CPS1: variants seen among roughly 807,000 people sequenced by gnomAD.
CPS1 encodes the protein carbamoyl-phosphate synthase 1, also known as carbamoyl-phosphate synthase [ammonia], mitochondrial.
In CPS1, 109 loss-of-function variants were observed where a neutral mutation model predicts 174.6. That is an observed-to-expected ratio of 0.62 (90% CI 0.53 to 0.73). The LOEUF is 0.73. Ranked by LOEUF, CPS1 falls within the 30% of genes least tolerant of loss-of-function variation. The probability of loss-of-function intolerance (pLI) is 0.00; values close to 1 mark genes in which losing one functional copy is unlikely to be tolerated. For synonymous variants in CPS1, 637 were observed against 632.0 expected (o/e 1.01, Z -0.12); for missense variants, 1,689 against 1,821.9 (o/e 0.93, Z 1.33).
chr2:210,557,246 G>T (rs762527450), intron 1 of CPS1, among the ~76,000 whole-genome samples: 3 of 152,166 alleles, frequency 2.0e-5, no homozygotes, highest in Non-Finnish European at 4.4e-5. Context: ...GTGTGTTAAG[G>T]TCTGTTCTAT....
intron 21 of CPS1, among the ~76,000 whole-genome samples, chr2:210,635,151 G>T (rs1202681354): frequency 3.3e-5 from 5 of 151,992 alleles, no homozygotes; most frequent in Admixed American, 6.6e-5. Context: ...CACCATGTTG[G>T]CCAGGCTGGT....
chr2:210,525,440 A>G (rs1011158782), intron 1 of CPS1, among the ~76,000 whole-genome samples: 1 of 151,870 alleles, frequency 6.6e-6, no homozygotes, highest in African/African-American at 2.4e-5. Context: ...GGAACAATTA[A>G]TTTATTCATT....
rs1287602848 is a variant in CPS1 at position 210,678,366 on chromosome 2, T to C, written c.*381T>C. On this transcript the variant is annotated 3_prime_UTR_variant, in exon 38 of 38. Coordinates refer to ENST00000233072, the MANE Select transcript of CPS1 (RefSeq NM_001875.5). ...TTAAGATACTCTATTTTTAAAACAC[T>C]ATCTGCAAACTCAGGACACTTTAAC... The C allele has an allele frequency of 3.5e-6, 1 of 288,584 alleles. No homozygotes were observed. The highest frequency in any genetic ancestry group is 6.7e-6 in the Non-Finnish European group (1 of 149,508). 17.9% of individuals were successfully genotyped at this position (288,584 alleles called of 1,614,324 possible).
chr2:210,510,613 C>G (rs913706204), intron 1 of CPS1, among the ~76,000 whole-genome samples: 2 of 151,922 alleles, frequency 1.3e-5, no homozygotes, highest in East Asian at 1.9e-4. Context: ...CAGAATGGGA[C>G]AAAATTTTTG....
intron 10 of CPS1, among the ~76,000 whole-genome samples, chr2:210,592,234 A>G (rs902035023): frequency 2.0e-5 from 3 of 152,022 alleles, no homozygotes; most frequent in African/African-American, 7.2e-5. Flanking sequence ...AGAGTTTTTA[A>G]ATACACTATG....
chr2:210,630,099 A>C (rs568193791), intron 21 of CPS1, among the ~76,000 whole-genome samples: 148 of 151,526 alleles, frequency 9.8e-4, no homozygotes, highest in Non-Finnish European at 1.5e-3. Flanking sequence ...AAACAAAAAA[A>C]AAAAACAAAA....
intron 34 of CPS1, chr2:210,674,550 C>T (rs1007294855): frequency 3.0e-5 from 8 of 270,224 alleles, no homozygotes; most frequent in Non-Finnish European, 5.8e-5. Flanking sequence ...TCGGTACTGG[C>T]TCCTAACCCG....
At chr2:210,570,253 A>G (rs1697430948) in intron 1 of CPS1, among the ~76,000 whole-genome samples, 1 of 151,940 alleles carries the variant, frequency 6.6e-6, no homozygotes, top group Non-Finnish European at 1.5e-5. Flanking sequence ...AGAACCAAAA[A>G]TATAATTAAA....
intron 30 of CPS1, among the ~76,000 whole-genome samples, chr2:210,657,025 G>C (rs1285199069): frequency 6.6e-6 from 1 of 152,102 alleles, no homozygotes; most frequent in Non-Finnish European, 1.5e-5. Context: ...GGCAGTTAGA[G>C]AACTGCTACT....
intron 34 of CPS1, 45 bp from the exon 35 acceptor site, chr2:210,674,857 G>T: frequency 7.0e-7 from 1 of 1,419,756 alleles, no homozygotes; most frequent in South Asian, 1.1e-5. Context: ...CATAAATGAA[G>T]AGCATGTATA....
At chr2:210,530,645 G>A (rs1467527504) in intron 1 of CPS1, among the ~76,000 whole-genome samples, 2 of 152,018 alleles carry the variant, frequency 1.3e-5, no homozygotes, top group Admixed American at 1.3e-4. Context: ...AACCTAAGGT[G>A]GTAGTCGTGA....
At chr2:210,603,863 G>T (rs1234072944) in intron 16 of CPS1, among the ~76,000 whole-genome samples, 3 of 151,732 alleles carry the variant, frequency 2.0e-5, no homozygotes, top group African/African-American at 7.3e-5. Context: ...ATTAAAAGCT[G>T]CATTAACTTA....
intron 1 of CPS1, among the ~76,000 whole-genome samples, chr2:210,571,855 TTGTGTGTGTGTGTGTGTGTG>T (rs71043997): frequency 0.1 from 14,336 of 139,678 alleles, 969 homozygotes; most frequent in African/African-American, 0.19. Context: ...CTACTAAAGT[TTGTGTGTGTGTGTGTGTGTG>T]TGTGTGTGTG....
At chr2:210,547,861 C>CA (rs1271817104) in intron 1 of CPS1, among the ~76,000 whole-genome samples, 2 of 152,074 alleles carry the variant, frequency 1.3e-5, no homozygotes, top group South Asian at 2.1e-4. Flanking sequence ...TTGGGAGTGG[C>CA]AATATTTTAT....
chr2:210,590,529 A>G (rs367928559), intron 8 of CPS1, among the ~76,000 whole-genome samples: 2 of 152,034 alleles, frequency 1.3e-5, no homozygotes, highest in South Asian at 4.1e-4. Context: ...CCGACAACTC[A>G]TGGTTCCTTA....
chr2:210,620,851 T>C (rs1699495634), intron 21 of CPS1, among the ~76,000 whole-genome samples: 1 of 152,020 alleles, frequency 6.6e-6, no homozygotes, highest in Admixed American at 6.6e-5. Flanking sequence ...ATCTGAGATT[T>C]GGGCAGGGAC....
chr2:210,528,395 T>C (rs938520668), intron 1 of CPS1, among the ~76,000 whole-genome samples: 4 of 152,014 alleles, frequency 2.6e-5, no homozygotes, highest in African/African-American at 9.7e-5. Context: ...TTAAGTAAAA[T>C]ATTGTACATT....
chr2:210,587,314 C>A (rs1174719456), intron 6 of CPS1, among the ~76,000 whole-genome samples: 1 of 152,038 alleles, frequency 6.6e-6, no homozygotes, highest in Non-Finnish European at 1.5e-5. Context: ...ACTCTCAAAG[C>A]AGGAACCGGT....
chr2:210,619,665 T>G (rs1381709872), intron 21 of CPS1: 1 of 152,134 alleles, frequency 6.6e-6, no homozygotes, highest in African/African-American at 2.4e-5. Context: ...ATAGCTACGA[T>G]GCAAATGCTA....
Sources: gnomAD v4.1 joint callset for allele counts (sites outside exome capture counted in the v4.1 genomes callset) on GRCh38, gnomAD v4.1.1 for gene constraint, MANE v1.5 for transcripts, NCBI Gene and HGNC (gene_info 2026-07-23, HGNC 2026-07-21) for gene names.